Variants in ELMO1 observed in about 807,000 individuals in gnomAD.
ELMO1 encodes engulfment and cell motility 1.
A neutral mutation model predicts 98.9 loss-of-function variants in ELMO1; 26 were observed. That is an observed-to-expected ratio of 0.26 (90% CI 0.19 to 0.36). The LOEUF (loss-of-function observed/expected upper bound fraction) is 0.36, where lower values mean the gene tolerates loss of function less well. ELMO1 is among the 10% of genes least tolerant of loss of function. ELMO1 has a pLI of 1.00. For synonymous variants in ELMO1, 346 were observed against 346.0 expected (o/e 1.00, Z 0.00); for missense variants, 627 against 935.2 (o/e 0.67, Z 4.30).
intron 16 of ELMO1, among the ~76,000 whole-genome samples, chr7:36,980,705 A>T (rs182055991): frequency 2.6e-3 from 397 of 152,318 alleles, no homozygotes; most frequent in African/African-American, 8.6e-3. Context: ...TTGTAATGAT[A>T]ATTTTACGTA....
chr7:37,026,939 C>T lies in ELMO1; in HGVS notation c.1301-13504G>A, dbSNP rs562506085. ...TGACTGCACTCCCTTCCTTGGTTTC[C>T]TGCCTCCTCATGCCTCCAGCTACAT... On this transcript the variant is annotated intron_variant, in intron 15 of 21. Coordinates refer to ENST00000310758, the MANE Select transcript of ELMO1 (RefSeq NM_014800.11). Among the ~76,000 whole-genome samples, 62 of 152,262 alleles carry T rather than the reference C, an allele frequency of 4.1e-4. 1 individual carries two copies. Among genetic ancestry groups the T allele is most frequent in the African/African-American group, 1.5e-3 (61 of 41,554 alleles).
At chr7:37,234,262 T>C (rs1794339394) in intron 7 of ELMO1, among the ~76,000 whole-genome samples, 1 of 152,366 alleles carries the variant, frequency 6.6e-6, no homozygotes, top group South Asian at 2.1e-4. Flanking sequence ...GGCTCATGCA[T>C]ACCATTATTG....
Position 37,315,933 on chromosome 7 carries a change from C to T in ELMO1, c.106G>A (p.Glu36Lys). Reference protein sequence around the residue: ...QKKPLSAIIKEVCDGWSLANH... With the variant: ...QKKPLSAIIKKVCDGWSLANH... ...AGTAACACTTACCCATCACAGACTT[C>T]CTTTATTATTGCAGACAGTGGTTTT... Residue 36 changes from glutamate (E) to lysine (K), a missense_variant, in exon 3 of 22, where the codon GAA becomes AAA. Glu to Lys is a moderately conservative substitution (Grantham distance 56). Coordinates refer to ENST00000310758, the MANE Select transcript of ELMO1 (RefSeq NM_014800.11). 1 of 1,602,616 alleles carries T rather than the reference C, an allele frequency of 6.2e-7. No individual in the cohort carries two copies. The highest frequency in any genetic ancestry group is 8.5e-7 in the Non-Finnish European group (1 of 1,177,080).
chr7:37,153,559 G>C (rs1218902187), intron 13 of ELMO1, among the ~76,000 whole-genome samples: 1 of 152,166 alleles, frequency 6.6e-6, no homozygotes, highest in East Asian at 1.9e-4. Context: ...GATCAACCTG[G>C]GATGCTGGAG....
chr7:37,250,804 A>C (rs965441417), intron 6 of ELMO1, among the ~76,000 whole-genome samples: 1 of 151,870 alleles, frequency 6.6e-6, no homozygotes. Context: ...AAAAAAAAAA[A>C]AAAAAAACCA....
intron 1 of ELMO1, among the ~76,000 whole-genome samples, chr7:37,404,136 T>C (rs1184344512): frequency 6.6e-6 from 1 of 152,136 alleles, no homozygotes. Flanking sequence ...CCTAAAATTG[T>C]AATCATTTTT....
At chr7:36,947,905 T>G (rs548353409) in intron 16 of ELMO1, among the ~76,000 whole-genome samples, 1 of 152,300 alleles carries the variant, frequency 6.6e-6, no homozygotes, top group South Asian at 2.1e-4. Flanking sequence ...TCCTTCAGGA[T>G]GTAGCCCAGG....
intron 14 of ELMO1, among the ~76,000 whole-genome samples, chr7:37,118,153 T>A (rs1039765215): frequency 6.6e-6 from 1 of 152,214 alleles, no homozygotes; most frequent in African/African-American, 2.4e-5. Context: ...CTTGAAATGT[T>A]AGAAGTCCCT....
At chr7:37,210,605 A>T (rs1191777283) in intron 13 of ELMO1, among the ~76,000 whole-genome samples, 1 of 151,726 alleles carries the variant, frequency 6.6e-6, no homozygotes, top group Non-Finnish European at 1.5e-5. Flanking sequence ...ACAGACACAC[A>T]CATACAGATA....
intron 15 of ELMO1, among the ~76,000 whole-genome samples, chr7:37,017,820 A>C (rs1794030159): frequency 6.7e-6 from 1 of 149,720 alleles, no homozygotes; most frequent in African/African-American, 2.5e-5. Context: ...ATTAAAAAAA[A>C]CCCAAGCAAG....
chr7:37,026,191 AT>A (rs1794567948), intron 15 of ELMO1, among the ~76,000 whole-genome samples: 1 of 152,152 alleles, frequency 6.6e-6, no homozygotes, highest in Non-Finnish European at 1.5e-5. Context: ...ACCATGTGAG[AT>A]GGGCACCCAA....
intron 15 of ELMO1, among the ~76,000 whole-genome samples, chr7:37,056,717 C>T (rs897148933): frequency 1.3e-5 from 2 of 152,184 alleles, no homozygotes; most frequent in African/African-American, 4.8e-5. Context: ...CCTATTTCAT[C>T]CTTGTGTGAG....
intron 7 of ELMO1, among the ~76,000 whole-genome samples, chr7:37,233,577 A>G (rs1176445353): frequency 6.6e-6 from 1 of 152,256 alleles, no homozygotes; most frequent in Non-Finnish European, 1.5e-5. Flanking sequence ...AGTATGTAGC[A>G]TATAGACACT....
At chr7:37,443,314 T>C (rs1349962115) in intron 1 of ELMO1, among the ~76,000 whole-genome samples, 1 of 152,242 alleles carries the variant, frequency 6.6e-6, no homozygotes, top group Non-Finnish European at 1.5e-5. Context: ...GTCAAAACTG[T>C]AGCCTCAATT....
At chr7:37,314,760 C>T (rs1799066792) in intron 4 of ELMO1, 90 bp downstream of exon 4, 2 of 1,223,882 alleles carry the variant, frequency 1.6e-6, no homozygotes, top group Non-Finnish European at 2.3e-6. Flanking sequence ...AAAATTTAGA[C>T]CTGCATGTCT....
chr7:37,401,788 C>T (rs943613271), intron 1 of ELMO1, among the ~76,000 whole-genome samples: 1 of 152,160 alleles, frequency 6.6e-6, no homozygotes, highest in Non-Finnish European at 1.5e-5. Context: ...ATTATAGGAA[C>T]TACAATTCAA....
At chr7:37,165,098 A>G (rs1423078189) in intron 13 of ELMO1, among the ~76,000 whole-genome samples, 5 of 152,214 alleles carry the variant, frequency 3.3e-5, no homozygotes, top group African/African-American at 1.2e-4. Flanking sequence ...CTTTGAAGCA[A>G]TTGTGAATAG....
intron 4 of ELMO1, among the ~76,000 whole-genome samples, chr7:37,298,485 G>A (rs1426707830): frequency 1.4e-5 from 2 of 143,046 alleles, no homozygotes; most frequent in African/African-American, 5.2e-5. Flanking sequence ...CCCAGAGTGT[G>A]ATATTCCCCT....
At chr7:37,099,390 T>G (rs894237077) in intron 14 of ELMO1, among the ~76,000 whole-genome samples, 3 of 152,224 alleles carry the variant, frequency 2.0e-5, no homozygotes, top group African/African-American at 7.2e-5. Context: ...CATTGATACA[T>G]CTACATTCAA....
Sources: gnomAD v4.1 joint callset for allele counts (sites outside exome capture counted in the v4.1 genomes callset) on GRCh38, gnomAD v4.1.1 for gene constraint, MANE v1.5 for transcripts, NCBI Gene and HGNC (gene_info 2026-07-23, HGNC 2026-07-21) for gene names.